The following EPHA6 variants were observed in gnomAD, a reference collection of about 807,000 sequenced individuals.
EPHA6 encodes ephrin type-A receptor 6.
EPHA6 carries 50 observed loss-of-function variants against 112.0 expected under a neutral mutation model. The observed-to-expected ratio is 0.45, with a 90% confidence interval of 0.36 to 0.56. The LOEUF is 0.56. Ranked by LOEUF, EPHA6 falls within the 20% of genes least tolerant of loss-of-function variation. The pLI is 0.00. For missense variants in EPHA6, 1,280 were observed against 1,417.4 expected (o/e 0.90, Z 1.56); for synonymous variants, 529 against 490.7 (o/e 1.08, Z -1.03).
intron 6 of EPHA6, among the ~76,000 whole-genome samples, chr3:97,417,710 T>G (rs2088245462): frequency 6.6e-6 from 1 of 152,126 alleles, no homozygotes; most frequent in South Asian, 2.1e-4. Flanking sequence ...GAGAACACTA[T>G]TGTCAGGATC....
In EPHA6 at chr3:97,316,512, C is replaced by T. The variant is rs190691308; in HGVS notation, c.1606+72225C>T. On this transcript the variant is annotated intron_variant, in intron 5 of 17. Transcript: ENST00000389672. ...TCTGAAGTGTCATGTGTTATTTATT[C>T]TGATGATCCCCTTAAGAGCATAGTG... Among the ~76,000 whole-genome samples the T allele has an allele frequency of 1.3e-3, 190 of 151,950 alleles. 2 individuals are homozygous for T. Among genetic ancestry groups the T allele is most frequent in the African/African-American group, 4.3e-3 (178 of 41,428 alleles).
intron 5 of EPHA6, among the ~76,000 whole-genome samples, chr3:97,393,561 A>G (rs2086538441): frequency 6.6e-6 from 1 of 151,858 alleles, no homozygotes; most frequent in African/African-American, 2.4e-5. Flanking sequence ...ATTAATACAG[A>G]GAATTTTCAC....
chr3:97,665,949 C>T (rs532716686), intron 14 of EPHA6, among the ~76,000 whole-genome samples: 1 of 151,826 alleles, frequency 6.6e-6, no homozygotes, highest in South Asian at 2.1e-4. Flanking sequence ...CCCAGCTACT[C>T]AGGAGGCTGA....
chr3:97,548,092 A>C (rs2092980987), intron 11 of EPHA6, among the ~76,000 whole-genome samples: 1 of 151,908 alleles, frequency 6.6e-6, no homozygotes, highest in South Asian at 2.1e-4. Context: ...ACTGTCTGGC[A>C]CTCCCCAGTG....
intron 14 of EPHA6, among the ~76,000 whole-genome samples, chr3:97,658,618 T>A (rs1322278067): frequency 6.6e-6 from 1 of 151,916 alleles, no homozygotes; most frequent in East Asian, 1.9e-4. Context: ...AACTCCAATA[T>A]ACCTTACGGG....
intron 13 of EPHA6, among the ~76,000 whole-genome samples, chr3:97,613,115 C>T (rs2093734371): frequency 6.6e-6 from 1 of 151,880 alleles, no homozygotes. Flanking sequence ...TTCCATCTTA[C>T]TCTTCTTTAA....
chr3:97,198,552 G>C (rs1368922508), intron 3 of EPHA6, among the ~76,000 whole-genome samples: 1 of 152,052 alleles, frequency 6.6e-6, no homozygotes, highest in African/African-American at 2.4e-5. Context: ...CAGCAGCATT[G>C]TAAAAGGATC....
At chr3:97,025,244 C>T (rs2044597667) in intron 3 of EPHA6, among the ~76,000 whole-genome samples, 1 of 152,064 alleles carries the variant, frequency 6.6e-6, no homozygotes, top group Non-Finnish European at 1.5e-5. Context: ...CATTTCAACA[C>T]TTTTTTAATA....
intron 10 of EPHA6, among the ~76,000 whole-genome samples, chr3:97,529,988 C>T (rs1470812802): frequency 6.6e-6 from 1 of 151,668 alleles, no homozygotes; most frequent in Non-Finnish European, 1.5e-5. Context: ...GAAATGTGAA[C>T]AGAAAAAAAT....
chr3:96,853,025 T>G (rs1208431070), intron 1 of EPHA6, among the ~76,000 whole-genome samples: 1 of 152,136 alleles, frequency 6.6e-6, no homozygotes, highest in Non-Finnish European at 1.5e-5. Flanking sequence ...CATGTCATTT[T>G]GACTTCCGCA....
chr3:97,673,609 G>A (rs1403357114), intron 14 of EPHA6, among the ~76,000 whole-genome samples: 1 of 152,194 alleles, frequency 6.6e-6, no homozygotes, highest in East Asian at 1.9e-4. Context: ...CAGATTTACT[G>A]TAATTTGAGG....
At chr3:97,224,805 G>A (rs565483184) in intron 3 of EPHA6, among the ~76,000 whole-genome samples, 22 of 151,868 alleles carry the variant, frequency 1.4e-4, no homozygotes, top group African/African-American at 5.3e-4. Flanking sequence ...TAGAATGTAA[G>A]CTCCCCATTT....
At chr3:97,087,838 G>A (rs2046947948) in intron 3 of EPHA6, among the ~76,000 whole-genome samples, 1 of 152,114 alleles carries the variant, frequency 6.6e-6, no homozygotes. Flanking sequence ...CATTTATTGA[G>A]TACTGATCAG....
intron 6 of EPHA6, among the ~76,000 whole-genome samples, chr3:97,420,443 T>C (rs899708081): frequency 3.1e-4 from 47 of 152,130 alleles, no homozygotes; most frequent in African/African-American, 1.1e-3. Flanking sequence ...ATGTGAAAAC[T>C]TACACAAACT....
chr3:97,646,415 A>G, intron 14 of EPHA6: 1 of 823,400 alleles, frequency 1.2e-6, no homozygotes, highest in Non-Finnish European at 1.7e-6. Flanking sequence ...TGAGATTTAC[A>G]CCTAAATATA....
chr3:96,955,964 A>G (rs1261061478), intron 2 of EPHA6, among the ~76,000 whole-genome samples: 1 of 152,218 alleles, frequency 6.6e-6, no homozygotes, highest in Non-Finnish European at 1.5e-5. Flanking sequence ...GGGATAAAAA[A>G]TGTTTGGAAC....
chr3:96,936,962 G>A (rs980680870), intron 2 of EPHA6, among the ~76,000 whole-genome samples: 2 of 152,126 alleles, frequency 1.3e-5, no homozygotes, highest in African/African-American at 4.8e-5. Context: ...TGGCTGCATA[G>A]TATTCCATGG....
intron 4 of EPHA6, among the ~76,000 whole-genome samples, chr3:97,237,503 C>T (rs2078715126): frequency 1.3e-5 from 2 of 151,960 alleles, no homozygotes; most frequent in African/African-American, 4.8e-5. Flanking sequence ...CGAGTTACCA[C>T]TTGTTGCCAG....
At chr3:97,000,665 C>T (rs2043620619) in intron 3 of EPHA6, among the ~76,000 whole-genome samples, 1 of 151,814 alleles carries the variant, frequency 6.6e-6, no homozygotes, top group East Asian at 1.9e-4. Flanking sequence ...TCTTAAAAAA[C>T]TTGCCATAGA....
Sources: gnomAD v4.1 joint callset for allele counts (sites outside exome capture counted in the v4.1 genomes callset) on GRCh38, gnomAD v4.1.1 for gene constraint, MANE v1.5 for transcripts, NCBI Gene and HGNC (gene_info 2026-07-23, HGNC 2026-07-21) for gene names.